The following STARD13 variants were observed in gnomAD, a reference collection of about 807,000 sequenced individuals.
The protein encoded by STARD13 is stAR-related lipid transfer protein 13.
Under a neutral mutation model 106.4 loss-of-function variants are expected in STARD13, and 62 were observed. The observed-to-expected ratio is 0.58, with a 90% CI of 0.48 to 0.72. The LOEUF (loss-of-function observed/expected upper bound fraction) is 0.72. Ranked by LOEUF, STARD13 falls within the 30% of genes least tolerant of loss-of-function variation. The pLI is 0.00. For missense variants in STARD13, 1,387 were observed against 1,424.0 expected, an observed-to-expected ratio of 0.97 and a Z score of 0.42; for synonymous variants, 565 against 553.0, an observed-to-expected ratio of 1.02 and a Z score of -0.31.
intron 1 of STARD13, chr13:33,281,044 G>A (rs1404407277): frequency 2.0e-5 from 3 of 152,112 alleles, no homozygotes; most frequent in African/African-American, 4.8e-5. Context: ...AGTATGTTAC[G>A]TTTATGTTCC....
the STARD13 span, among the ~76,000 whole-genome samples, chr13:33,458,815 CTTTTTTTTTTTTT>C: frequency 3.5e-5 from 4 of 113,518 alleles, no homozygotes; most frequent in Non-Finnish European, 7.2e-5. Context: ...AACATGTTTA[CTTTTTTTTTTTTT>C]TTTTTTTTTG....
chr13:33,381,829 G>A, the STARD13 span, among the ~76,000 whole-genome samples: 2 of 152,160 alleles, frequency 1.3e-5, no homozygotes, highest in African/African-American at 2.4e-5. Context: ...TTACTTTCAA[G>A]TGTTTTCAAT....
the STARD13 span, among the ~76,000 whole-genome samples, chr13:33,670,017 A>G: frequency 6.6e-6 from 1 of 152,202 alleles, no homozygotes; most frequent in African/African-American, 2.4e-5. Context: ...CCTGAGTAAC[A>G]TTTAAATAAA....
intron 1 of STARD13, among the ~76,000 whole-genome samples, chr13:33,228,134 G>A (rs1888716296): frequency 6.6e-6 from 1 of 152,110 alleles, no homozygotes; most frequent in South Asian, 2.1e-4. Flanking sequence ...TCAGGCAAAG[G>A]CAACATAAAA....
chr13:33,655,405 T>A, the STARD13 span, among the ~76,000 whole-genome samples: 1 of 152,194 alleles, frequency 6.6e-6, no homozygotes, highest in Admixed American at 6.5e-5. Flanking sequence ...AATATACTAG[T>A]CATAATTTAA....
At chr13:33,165,887 A>G (rs1450293180) in intron 2 of STARD13, among the ~76,000 whole-genome samples, 1 of 152,104 alleles carries the variant, frequency 6.6e-6, no homozygotes, top group African/African-American at 2.4e-5. Context: ...AATCTTTATC[A>G]CTCTGGAGTA....
At chr13:33,267,702 A>G (rs1326025383) in intron 1 of STARD13, among the ~76,000 whole-genome samples, 1 of 152,252 alleles carries the variant, frequency 6.6e-6, no homozygotes, top group Non-Finnish European at 1.5e-5. Context: ...CAGTGGAGTT[A>G]CAACAAATGC....
the STARD13 span, among the ~76,000 whole-genome samples, chr13:33,525,720 C>G: frequency 6.6e-6 from 1 of 152,044 alleles, no homozygotes; most frequent in African/African-American, 2.4e-5. Context: ...GAGAAAGTAT[C>G]AGATCTGCGG....
intron 1 of STARD13, chr13:33,273,968 T>A (rs1891286590): frequency 1.3e-5 from 2 of 152,188 alleles, no homozygotes; most frequent in Admixed American, 1.3e-4. Context: ...TATCCTATGC[T>A]GAAAACAGGT....
the STARD13 span, among the ~76,000 whole-genome samples, chr13:33,518,248 T>G: frequency 3.2e-4 from 48 of 152,300 alleles, no homozygotes; most frequent in Non-Finnish European, 6.2e-4. Context: ...CCAGATTTAC[T>G]TGGGCAAGAC....
At chr13:33,516,247 T>C in the STARD13 span, among the ~76,000 whole-genome samples, 2 of 148,746 alleles carry the variant, frequency 1.3e-5, no homozygotes, top group Non-Finnish European at 3.0e-5. Flanking sequence ...TAATTCATAA[T>C]ATAATGAATT....
chr13:33,174,095 C>T (rs1261656487), intron 1 of STARD13, among the ~76,000 whole-genome samples: 7 of 152,204 alleles, frequency 4.6e-5, no homozygotes, highest in Middle Eastern at 6.8e-3. Flanking sequence ...GCAAATTCTC[C>T]AGCTAAGTAG....
chr13:33,456,672 A>T, the STARD13 span, among the ~76,000 whole-genome samples: 1 of 152,140 alleles, frequency 6.6e-6, no homozygotes, highest in Non-Finnish European at 1.5e-5. Context: ...ACATCAGTCC[A>T]TATGGCACAG....
upstream of STARD13, among the ~76,000 whole-genome samples, chr13:33,290,642 C>T (rs921350445): frequency 1.3e-5 from 2 of 152,246 alleles, no homozygotes; most frequent in Non-Finnish European, 2.9e-5. Context: ...CTTTGTCTCT[C>T]AGCCCTCCCT....
the STARD13 span, among the ~76,000 whole-genome samples, chr13:33,552,326 A>G: frequency 6.6e-6 from 1 of 152,244 alleles, no homozygotes; most frequent in African/African-American, 2.4e-5. Flanking sequence ...AAACAAAAGC[A>G]GAATAGACAT....
the STARD13 span, among the ~76,000 whole-genome samples, chr13:33,375,691 A>T: frequency 6.6e-6 from 1 of 152,302 alleles, no homozygotes; most frequent in South Asian, 2.1e-4. Flanking sequence ...TCATGAAAAC[A>T]GCATGGAGGT....
intron 1 of STARD13, among the ~76,000 whole-genome samples, chr13:33,325,526 T>A (rs1290077276): frequency 1.3e-5 from 2 of 152,158 alleles, no homozygotes; most frequent in Non-Finnish European, 2.9e-5. Context: ...TTTTTTTTTA[T>A]CCCCTTCCCT....
the STARD13 span, among the ~76,000 whole-genome samples, chr13:33,362,104 T>G: frequency 6.6e-6 from 1 of 152,172 alleles, no homozygotes; most frequent in Non-Finnish European, 1.5e-5. Flanking sequence ...TGAAGCTGGG[T>G]CATTTATAAA....
At chr13:33,539,037 G>A in the STARD13 span, among the ~76,000 whole-genome samples, 1 of 152,138 alleles carries the variant, frequency 6.6e-6, no homozygotes, top group African/African-American at 2.4e-5. Context: ...CCAAAGTGCT[G>A]GGATTATAGG....
Sources: gnomAD v4.1 joint callset for allele counts (sites outside exome capture counted in the v4.1 genomes callset) on GRCh38, gnomAD v4.1.1 for gene constraint, MANE v1.5 for transcripts, NCBI Gene and HGNC (gene_info 2026-07-23, HGNC 2026-07-21) for gene names.